The following ST7L variants were observed in gnomAD, a reference collection of about 807,000 sequenced individuals.
ST7L encodes suppressor of tumorigenicity 7 protein-like.
In ST7L, 57 loss-of-function variants were observed where a neutral mutation model predicts 72.5. The observed-to-expected ratio is 0.79, with a 90% CI of 0.64 to 0.98. The LOEUF is 0.98. ST7L is among the 50% of genes least tolerant of loss of function. ST7L has a pLI of 0.00. For synonymous variants in ST7L, 221 were observed against 240.9 expected (o/e 0.92, Z 0.77); for missense variants, 576 against 672.2 (o/e 0.86, Z 1.58).
At chr1:112,553,031 GA>G (rs1164155553) in intron 12 of ST7L, among the ~76,000 whole-genome samples, 3 of 151,740 alleles carry the variant, frequency 2.0e-5, no homozygotes, top group Non-Finnish European at 4.4e-5. Context: ...TGCACAAAAT[GA>G]GTGAGACAGA....
chr1:112,563,573 T>C (rs1660509281), intron 11 of ST7L, among the ~76,000 whole-genome samples: 1 of 152,194 alleles, frequency 6.6e-6, no homozygotes, highest in Admixed American at 6.5e-5. Context: ...GTGTCTGTAA[T>C]GAGAAACTGC....
chr1:112,610,326 T>C (rs1395958819), intron 3 of ST7L: 2 of 152,260 alleles, frequency 1.3e-5, no homozygotes, highest in South Asian at 2.1e-4. Context: ...GCTAACAAAA[T>C]AGAAGGGGTC....
At chr1:112,572,786 G>C (rs1356382293) in intron 11 of ST7L, among the ~76,000 whole-genome samples, 2 of 152,122 alleles carry the variant, frequency 1.3e-5, no homozygotes, top group Non-Finnish European at 2.9e-5. Context: ...AAATTGTGTT[G>C]AGAGAAGTTT....
At chr1:112,583,905 TTTGTG>T in intron 7 of ST7L, 62 bp downstream of exon 7, 1 of 1,510,368 alleles carries the variant, frequency 6.6e-7, no homozygotes, top group Non-Finnish European at 8.9e-7. Flanking sequence ...ATTATTGTTG[TTTGTG>T]TTAAGACACA....
chr1:112,571,248 A>C, intron 11 of ST7L: 1 of 448,680 alleles, frequency 2.2e-6, no homozygotes. Context: ...TCTACAAACA[A>C]TAATATAAGT....
intron 1 of ST7L, among the ~76,000 whole-genome samples, chr1:112,617,453 C>T (rs1670048465): frequency 6.6e-6 from 1 of 152,030 alleles, no homozygotes. Flanking sequence ...GGCTCACTCC[C>T]ATAATCTCAG....
intron 12 of ST7L, among the ~76,000 whole-genome samples, chr1:112,551,961 T>C (rs1458856463): frequency 6.6e-6 from 1 of 152,138 alleles, no homozygotes; most frequent in African/African-American, 2.4e-5. Context: ...TATACATACG[T>C]TTAAGAAAGA....
rs1410717382 is a variant in ST7L, at chr1:112,578,326, T to C, written c.1142+19A>G. On this transcript the variant is annotated intron_variant, in intron 10 of 14. Coordinates refer to ENST00000358039, the MANE Select transcript of ST7L (RefSeq NM_017744.5). ...GTTTAGCAGTCTTTCCAAATCATTG[T>C]AGTTTTTATAACACGTACTTTTCTG... 1 of 1,607,054 alleles carries C rather than the reference T, an allele frequency of 6.2e-7. No individual in the cohort carries two copies.
At chr1:112,618,323 T>A (rs1475019963) in intron 1 of ST7L, 1 of 992,078 alleles carries the variant, frequency 1.0e-6, no homozygotes, top group Non-Finnish European at 1.2e-6. Flanking sequence ...CCCACTGTTG[T>A]TTGTGGCGCT....
Position 112,589,965 on chromosome 1 carries a change from CT to C in ST7L, c.701+1559del, listed in dbSNP as rs570958435. On this transcript the variant is annotated intron_variant, in intron 6 of 14. Coordinates refer to ENST00000358039, the MANE Select transcript of ST7L (RefSeq NM_017744.5). ...TCCTCAAAGTGTCTAATTCCCGAGA[CT>C]TTGCTCACAAGCTTTCTGGTTTGTC... Among the ~76,000 whole-genome samples the C allele has an allele frequency of 1.4e-4, 21 of 152,344 alleles. 1 individual carries two copies. In the South Asian group the frequency reaches 4.1e-3, roughly 30 times the overall value.
In ST7L at chr1:112,600,759, A is replaced by G. The variant is rs1212854568; in HGVS notation, c.506+35T>C. 2.5e-6 allele frequency: 4 copies of G among 1,572,724 alleles called. No homozygotes were observed. In the South Asian group the frequency reaches 4.5e-5, roughly 18 times the overall value. ...TTGTAAATACCTTTACTCTAAAACCAATGCCCTACTTATACTGAAAGCAAA... is the reference window on the plus strand; with the variant it reads ...TTGTAAATACCTTTACTCTAAAACCGATGCCCTACTTATACTGAAAGCAAA... On this transcript the variant is annotated intron_variant, in intron 4 of 14. Coordinates refer to ENST00000358039, the MANE Select transcript of ST7L (RefSeq NM_017744.5).
chr1:112,567,988 T>C (rs1188478480), intron 11 of ST7L, among the ~76,000 whole-genome samples: 1 of 152,186 alleles, frequency 6.6e-6, no homozygotes, highest in African/African-American at 2.4e-5. Flanking sequence ...ATACCAACAA[T>C]AGTTACATTT....
intron 11 of ST7L, among the ~76,000 whole-genome samples, chr1:112,557,197 C>T (rs1175347171): frequency 6.6e-6 from 1 of 151,952 alleles, no homozygotes; most frequent in Non-Finnish European, 1.5e-5. Flanking sequence ...AATTTTAGAA[C>T]ATTTTCATCA....
intron 14 of ST7L, among the ~76,000 whole-genome samples, chr1:112,532,460 G>A (rs559883008): frequency 6.6e-4 from 101 of 152,318 alleles, no homozygotes; most frequent in African/African-American, 2.2e-3. Flanking sequence ...AAATGAAGAC[G>A]AGAGCTGGCA....
chr1:112,568,086 TCA>T (rs1661331447), intron 11 of ST7L, among the ~76,000 whole-genome samples: 2 of 152,292 alleles, frequency 1.3e-5, no homozygotes, highest in South Asian at 4.1e-4. Context: ...ATAGCAGGCA[TCA>T]TTTTGCTAAG....
At chr1:112,563,747 A>G (rs12126277) in intron 11 of ST7L, among the ~76,000 whole-genome samples, 75,722 of 152,036 alleles carry the variant, frequency 0.5, 19,236 homozygotes, top group East Asian at 0.64. Flanking sequence ...TTTCTTTTAC[A>G]ACTCTAAAGC....
chr1:112,577,099 A>T lies in ST7L; in HGVS notation c.1143-11T>A. 6.5e-7 allele frequency: 1 copy of T among 1,534,740 alleles called. No homozygotes were observed. The highest frequency in any genetic ancestry group is 8.8e-7 in the Non-Finnish European group (1 of 1,130,206). ...GTTTCTGGAGAGAATCTACAAGAAA[A>T]CCACAAAATGAAAAAATAAATATGC... is the stretch of plus-strand genomic sequence containing the variant. On this transcript the variant is annotated splice_polypyrimidine_tract_variant and intron_variant, in intron 10 of 14. Coordinates refer to ENST00000358039, the MANE Select transcript of ST7L (RefSeq NM_017744.5).
chr1:112,559,044 C>T (rs1323970129), intron 11 of ST7L, among the ~76,000 whole-genome samples: 1 of 152,106 alleles, frequency 6.6e-6, no homozygotes, highest in Non-Finnish European at 1.5e-5. Flanking sequence ...TATTAAAATT[C>T]TGTTTCATTT....
chr1:112,548,668 A>C (rs1415572622), intron 13 of ST7L, among the ~76,000 whole-genome samples: 1 of 152,224 alleles, frequency 6.6e-6, no homozygotes, highest in African/African-American at 2.4e-5. Flanking sequence ...GGTTTATATC[A>C]CATAAGAAAA....
Sources: allele counts gnomAD v4.1 joint callset (sites outside exome capture counted in the v4.1 genomes callset), GRCh38; gene constraint gnomAD v4.1.1; transcripts MANE v1.5; gene names NCBI Gene and HGNC (gene_info 2026-07-23, HGNC 2026-07-21).